The following SRRM1 variants were observed in gnomAD, a reference collection of about 807,000 sequenced individuals.
SRRM1 encodes serine/arginine repetitive matrix protein 1.
SRRM1 carries 19 observed loss-of-function variants against 110.2 expected under a neutral mutation model. The observed-to-expected ratio is 0.17, with a 90% confidence interval of 0.12 to 0.25. The LOEUF is 0.25. Among genes scored for constraint, SRRM1 ranks in the 10% least tolerant of loss-of-function variants. The pLI is 1.00. For missense variants in SRRM1, 918 were observed against 1,145.8 expected (o/e 0.80, Z 2.87); for synonymous variants, 443 against 414.9 (o/e 1.07, Z -0.82).
At position 24,652,616 on chromosome 1, in the gene SRRM1, G is replaced by C; in HGVS notation, c.908G>C (p.Arg303Thr). Residue 303 changes from arginine (R) to threonine (T), a missense_variant, in exon 7 of 17, where the codon AGA becomes ACA. This residue lies in a region of SRRM1 where 456 missense variants were observed against 453.5 expected (regional missense o/e 1.01). Transcript: ENST00000323848. ...CACACTCGACCTAGACGGCGCCATA[G>C]ATCCCGATCAAGGTGAGTTGTGGCT... Reference protein sequence around the residue: ...PSHTRPRRRHRSRSRSYSPRR... With the variant: ...PSHTRPRRRHTSRSRSYSPRR... The C allele has an allele frequency of 3.1e-6, 5 of 1,602,528 alleles. No homozygotes were observed. Among genetic ancestry groups the C allele is most frequent in the Non-Finnish European group, 4.3e-6 (5 of 1,176,426 alleles).
chr1:24,671,322 C>A, intron 15 of SRRM1, 64 bp from the exon 16 acceptor site: 1 of 1,441,764 alleles, frequency 6.9e-7, no homozygotes, highest in Non-Finnish European at 9.5e-7. Flanking sequence ...ATAAAATGTT[C>A]AGTTGGACAG....
intron 9 of SRRM1, among the ~76,000 whole-genome samples, chr1:24,659,078 C>T (rs148852102): frequency 0.023 from 3,574 of 152,120 alleles, 54 homozygotes; most frequent in Non-Finnish European, 0.032. Flanking sequence ...CCTGTAATCC[C>T]AGCTACTCAG....
At chr1:24,668,917 C>T (rs976642776) in intron 13 of SRRM1, among the ~76,000 whole-genome samples, 1 of 152,008 alleles carries the variant, frequency 6.6e-6, no homozygotes, top group Admixed American at 6.6e-5. Context: ...GTACTTAGTC[C>T]TGCAGACAGT....
intron 6 of SRRM1, among the ~76,000 whole-genome samples, chr1:24,652,028 A>AAATATATATAT (rs1414689739): frequency 1.0e-5 from 1 of 98,348 alleles, no homozygotes; most frequent in Non-Finnish European, 1.9e-5. Flanking sequence ...TCTGTACTAA[A>AAATATATATAT]AATATATATA....
chr1:24,648,766 AAAT>A, intron 3 of SRRM1, 90 bp from the exon 4 acceptor site: 1 of 1,189,068 alleles, frequency 8.4e-7, no homozygotes, highest in South Asian at 1.4e-5. Flanking sequence ...TAGACTTAAA[AAAT>A]ACTAATTTAA....
At position 24,646,388 on chromosome 1, in the gene SRRM1, G is replaced by A. The variant is rs937201777; in HGVS notation, c.112-279G>A. Among the ~76,000 whole-genome samples, 3 of 152,166 alleles carry A rather than the reference G, an allele frequency of 2.0e-5. No individual in the cohort carries two copies. The East Asian group carries it at 5.8e-4, about 29-fold the overall frequency. On this transcript the variant is annotated intron_variant, in intron 2 of 16. Transcript: ENST00000323848. ...TAAAAATACAAAAAATTAGCCGGGC[G>A]TGGTGGCGGGTGCCTGTAATCCCAG...
At chr1:24,652,270 G>C (rs538314763) in intron 6 of SRRM1, among the ~76,000 whole-genome samples, 164 bp from the exon 7 acceptor site, 1 of 151,144 alleles carries the variant, frequency 6.6e-6, no homozygotes, top group East Asian at 1.9e-4. Flanking sequence ...TTGCTCTCTG[G>C]GTTTCAGTGA....
chr1:24,669,218 G>A lies in SRRM1; in HGVS notation c.1835G>A (p.Arg612Lys). 1 of 1,613,980 alleles carries A rather than the reference G, an allele frequency of 6.2e-7. No individual in the cohort carries two copies. The highest frequency in any genetic ancestry group is 8.5e-7 in the Non-Finnish European group (1 of 1,179,990). Residue 612 changes from arginine (R) to lysine (K), a missense_variant, in exon 14 of 17, where the codon AGA becomes AAA. By Grantham distance (26) the Arg-to-Lys change is conservative. Transcript: ENST00000323848. Reference sequence around the variant, plus strand: ...TACTCTCCTTCTCCACCTCCAAAGAGAAGAACGGCTTCACCTCCTCCCCCT... The same window carrying A: ...TACTCTCCTTCTCCACCTCCAAAGAAAAGAACGGCTTCACCTCCTCCCCCT... ...RRYSPSPPPK[R>K]RTASPPPPPK...
intron 13 of SRRM1, among the ~76,000 whole-genome samples, chr1:24,667,769 C>T (rs990356981): frequency 5.3e-5 from 8 of 151,976 alleles, no homozygotes; most frequent in Non-Finnish European, 1.0e-4. Context: ...TTTAGTAATA[C>T]TAAGTTATCA....
Position 24,652,461 on chromosome 1 carries a change from A to T in SRRM1, c.753A>T (p.Glu251Asp). The change falls in exon 7 of 17, where the codon GAA becomes GAT. Residue 251 changes from glutamate to aspartate, a missense_variant. By Grantham distance (45) the Glu-to-Asp change is conservative. Coordinates refer to ENST00000323848, the MANE Select transcript of SRRM1 (RefSeq NM_005839.4). Reference sequence around the variant, plus strand: ...ACATTCTGAAAGTTCCCAAACCTGAACCTATACCAGAGCCTAAAGAACCTT... The same window carrying T: ...ACATTCTGAAAGTTCCCAAACCTGATCCTATACCAGAGCCTAAAGAACCTT... ...TSDILKVPKP[E>D]PIPEPKEPSP... The T allele has an allele frequency of 6.2e-7, 1 of 1,604,224 alleles. No homozygotes were observed. The highest frequency in any genetic ancestry group is 1.7e-5 in the Admixed American group (1 of 58,332).
At position 24,651,361 on chromosome 1, in the gene SRRM1, T is replaced by G. The variant is rs751663892; in HGVS notation, c.522-48T>G. 4 of 1,503,630 alleles carry G rather than the reference T, an allele frequency of 2.7e-6. No individual in the cohort carries two copies. The African/African-American group carries it at 5.5e-5, about 21-fold the overall frequency. 93.1% of individuals were successfully genotyped at this position (1,503,630 alleles called of 1,614,324 possible). On this transcript the variant is annotated intron_variant, in intron 5 of 16. Transcript: ENST00000323848. ...TCACTTCTCCCTTTGACTCCTCTCT[T>G]CCAATCCATGTTATTTAAAAACCTG...
At chr1:24,649,597 G>A (rs183912147) in intron 4 of SRRM1, among the ~76,000 whole-genome samples, 13 of 152,336 alleles carry the variant, frequency 8.5e-5, no homozygotes, top group Admixed American at 2.0e-4. Flanking sequence ...GTGAGCCACC[G>A]TGCCCAGCCA....
In SRRM1 at chr1:24,666,875, C is replaced by T. The variant is rs751746586; in HGVS notation, c.1689C>T (p.Pro563=). The change falls in exon 13 of 17, where the codon CCC becomes CCT. Residue 563 remains proline (P), a synonymous_variant. Transcript: ENST00000323848. ...CCAGAAGGCGACGGTCTCCTTCTCCCGCCCCTCCTCCTCGACGGCGCAGGA... is the reference window on the plus strand; with the variant it reads ...CCAGAAGGCGACGGTCTCCTTCTCCTGCCCCTCCTCCTCGACGGCGCAGGA... ...PPTRRRRSPS[P]APPPRRRRTP... is the part of the protein sequence containing the mutation. 16 of 1,612,260 alleles carry T rather than the reference C, an allele frequency of 9.9e-6. No homozygotes were observed. The highest frequency in any genetic ancestry group is 3.4e-5 in the Admixed American group (2 of 59,454).
chr1:24,652,721 A>T lies in SRRM1; in HGVS notation c.920+93A>T. 2.2e-6 allele frequency: 3 copies of T among 1,337,504 alleles called. No individual in the cohort carries two copies. The South Asian group carries it at 4.8e-5, about 21-fold the overall frequency. The allele number at this position is 1,337,504 out of a possible 1,614,324, so 82.9% of individuals were successfully genotyped here. ...ATAAATAATTTCAAAGTGGTAGAAG[A>T]TGTTTAGTACAAATATTTTTTGAAT... On this transcript the variant is annotated intron_variant, in intron 7 of 16. Transcript: ENST00000323848.
At chr1:24,665,245 G>A (rs1221209951) in intron 12 of SRRM1, among the ~76,000 whole-genome samples, 1 of 151,956 alleles carries the variant, frequency 6.6e-6, no homozygotes, top group East Asian at 1.9e-4. Flanking sequence ...TGGCCAACAC[G>A]ACGGAACCCC....
intron 12 of SRRM1, chr1:24,663,114 C>A: frequency 7.3e-7 from 1 of 1,370,882 alleles, no homozygotes. Context: ...ATTAATGGTA[C>A]TTAATCCACC....
chr1:24,654,798 T>C, intron 8 of SRRM1, 57 bp from the exon 9 acceptor site: 1 of 1,601,856 alleles, frequency 6.2e-7, no homozygotes. Context: ...TGTTCATACC[T>C]GTAAGGCCGT....
intron 6 of SRRM1, 33 bp from the exon 7 acceptor site, chr1:24,652,401 C>CA (rs60568839): frequency 0.015 from 16,394 of 1,081,652 alleles, 4 homozygotes; most frequent in South Asian, 0.02. Flanking sequence ...TACAAGAAGG[C>CA]AAAAAAAAAA....
At chr1:24,665,609 A>C (rs2148677142) in intron 12 of SRRM1, among the ~76,000 whole-genome samples, 1 of 152,192 alleles carries the variant, frequency 6.6e-6, no homozygotes, top group Non-Finnish European at 1.5e-5. Context: ...GCTACTTGGG[A>C]GGCTGAGGCA....
Sources: gnomAD v4.1 joint callset for allele counts (sites outside exome capture counted in the v4.1 genomes callset) on GRCh38, gnomAD v4.1.1 for gene constraint, gnomAD v4.1.1 regional missense constraint, MANE v1.5 for transcripts, NCBI Gene and HGNC (gene_info 2026-07-23, HGNC 2026-07-21) for gene names.